ZFAND4: variants seen among roughly 807,000 people sequenced by gnomAD.
The protein encoded by ZFAND4 is zinc finger AN1-type containing 4.
A neutral mutation model predicts 64.4 loss-of-function variants in ZFAND4; 43 were observed. The ratio of observed to expected loss-of-function variants is 0.67; its 90% CI spans 0.52 to 0.86. The LOEUF (loss-of-function observed/expected upper bound fraction) is 0.86. ZFAND4 is among the 40% of genes least tolerant of loss of function. ZFAND4 has a pLI of 0.00. For missense variants in ZFAND4, 929 were observed against 859.8 expected (o/e 1.08, Z -1.01); for synonymous variants, 296 against 305.7 (o/e 0.97, Z 0.33).
chr10:45,642,126 C>T (rs1297316592), intron 5 of ZFAND4, among the ~76,000 whole-genome samples: 1 of 152,200 alleles, frequency 6.6e-6, no homozygotes, highest in South Asian at 2.1e-4. Flanking sequence ...CTCAAGTATA[C>T]ACTATTCTCA....
chr10:45,662,159 A>G (rs1319070513), intron 2 of ZFAND4, among the ~76,000 whole-genome samples: 1 of 152,144 alleles, frequency 6.6e-6, no homozygotes, highest in East Asian at 1.9e-4. Context: ...TTTACATATT[A>G]CCTTATTTAA....
chr10:45,633,444 C>T (rs1209335484), intron 6 of ZFAND4, among the ~76,000 whole-genome samples: 2 of 152,040 alleles, frequency 1.3e-5, no homozygotes, highest in Non-Finnish European at 2.9e-5. Flanking sequence ...TGGTGCTGCA[C>T]ACATAGTCCC....
At position 45,626,603 on chromosome 10, in the gene ZFAND4, C is replaced by T. The variant is rs80042909; in HGVS notation, c.1220G>A (p.Gly407Glu). 1.2e-3 allele frequency: 1,903 copies of T among 1,614,188 alleles called. 35 individuals carry two copies. In the East Asian group the frequency reaches 0.035, roughly 30 times the overall value. The change falls in exon 7 of 10, where the codon GGA (glycine) becomes GAA (glutamate). Residue 407 changes from glycine to glutamate, a missense_variant. Gly to Glu is a moderately conservative substitution (Grantham distance 98). Transcript: ENST00000344646. ...GCCGCTGCTCTGTTCATCAGCATTT[C>T]CTTCTGCAAATGAAGCCAGTGAGCC... ...KVGSLASFAE[G>E]NADEQSSGLE...
At chr10:45,664,465 C>T (rs2048678624) in intron 1 of ZFAND4, among the ~76,000 whole-genome samples, 1 of 151,762 alleles carries the variant, frequency 6.6e-6, no homozygotes, top group Non-Finnish European at 1.5e-5. Flanking sequence ...GACGGGGTTT[C>T]ACCACGTTGG....
chr10:45,617,832 GGGTTCTTCCAA>G (rs2045114579), intron 9 of ZFAND4: 1 of 158,336 alleles, frequency 6.3e-6, no homozygotes, highest in African/African-American at 2.4e-5. Context: ...ATTCAGGGAG[GGGTTCTTCCAA>G]GGTGCCACTC....
chr10:45,664,892 C>T (rs940151868), intron 1 of ZFAND4, among the ~76,000 whole-genome samples: 5 of 152,036 alleles, frequency 3.3e-5, no homozygotes, highest in Non-Finnish European at 5.9e-5. Flanking sequence ...GATTGCGCCA[C>T]AACACCCCAG....
At chr10:45,642,685 T>A (rs2047093527) in intron 5 of ZFAND4, among the ~76,000 whole-genome samples, 1 of 147,996 alleles carries the variant, frequency 6.8e-6, no homozygotes, top group African/African-American at 2.5e-5. Flanking sequence ...TAAATTCACC[T>A]TTTTTTTTCA....
At chr10:45,650,164 T>C (rs2047667473) in intron 4 of ZFAND4, 1 of 152,082 alleles carries the variant, frequency 6.6e-6, no homozygotes, top group Non-Finnish European at 1.5e-5. Context: ...TGGACTGTAG[T>C]GGCGCAGTCT....
intron 5 of ZFAND4, among the ~76,000 whole-genome samples, chr10:45,646,437 C>T (rs953501588): frequency 2.0e-5 from 3 of 152,074 alleles, no homozygotes; most frequent in Admixed American, 1.3e-4. Context: ...CTCATTCATC[C>T]ATCCCTTTCC....
chr10:45,649,028 G>A, intron 4 of ZFAND4: 1 of 808,990 alleles, frequency 1.2e-6, no homozygotes, highest in Non-Finnish European at 1.5e-6. Context: ...CAGCACTTTG[G>A]GAGGCCGAGG....
At chr10:45,637,779 A>C (rs1167539579) in intron 6 of ZFAND4, among the ~76,000 whole-genome samples, 2 of 151,856 alleles carry the variant, frequency 1.3e-5, no homozygotes, top group Non-Finnish European at 2.9e-5. Flanking sequence ...ACAAAACAAA[A>C]CAAAACTGAT....
At chr10:45,656,860 A>G (rs1191203778) in intron 2 of ZFAND4, among the ~76,000 whole-genome samples, 1 of 152,156 alleles carries the variant, frequency 6.6e-6, no homozygotes, top group African/African-American at 2.4e-5. Flanking sequence ...GGATGTAGAA[A>G]GAAAATAGCT....
chr10:45,641,222 T>C (rs559630051), intron 5 of ZFAND4, among the ~76,000 whole-genome samples: 3 of 152,202 alleles, frequency 2.0e-5, no homozygotes, highest in African/African-American at 7.2e-5. Flanking sequence ...ATGGGAAAAT[T>C]AGAATGGCAA....
At chr10:45,627,141 C>A in intron 6 of ZFAND4, 36 bp from the exon 7 acceptor site, 2 of 1,487,040 alleles carry the variant, frequency 1.3e-6, no homozygotes, top group South Asian at 2.9e-5. Context: ...TTTACACAGT[C>A]GTTTTCTCTG....
chr10:45,637,040 G>A (rs1025763322), intron 6 of ZFAND4, among the ~76,000 whole-genome samples: 15 of 150,680 alleles, frequency 1.0e-4, no homozygotes, highest in African/African-American at 4.9e-5. Context: ...CCCACTTTAC[G>A]TTATATCAGA....
At chr10:45,670,110 A>G (rs1274733232) in intron 1 of ZFAND4, among the ~76,000 whole-genome samples, 2 of 152,198 alleles carry the variant, frequency 1.3e-5, no homozygotes, top group African/African-American at 4.8e-5. Flanking sequence ...TGCAGATGAC[A>G]TGATTATACA....
At chr10:45,634,287 G>A (rs1351518076) in intron 6 of ZFAND4, among the ~76,000 whole-genome samples, 4 of 152,040 alleles carry the variant, frequency 2.6e-5, no homozygotes, top group Non-Finnish European at 5.9e-5. Context: ...CACCTTGGGA[G>A]GCCGAGGCAG....
chr10:45,645,269 A>T (rs2047301067), intron 5 of ZFAND4, among the ~76,000 whole-genome samples: 1 of 152,100 alleles, frequency 6.6e-6, no homozygotes, highest in African/African-American at 2.4e-5. Context: ...TGCCCTTTAA[A>T]CATGTAAGGT....
intron 2 of ZFAND4, among the ~76,000 whole-genome samples, chr10:45,656,866 T>C (rs2048157490): frequency 1.3e-5 from 2 of 151,960 alleles, no homozygotes; most frequent in African/African-American, 2.4e-5. Context: ...AGAAAGAAAA[T>C]AGCTATCTGC....
Sources: gnomAD v4.1 joint callset for allele counts (sites outside exome capture counted in the v4.1 genomes callset) on GRCh38, gnomAD v4.1.1 for gene constraint, MANE v1.5 for transcripts, NCBI Gene and HGNC (gene_info 2026-07-23, HGNC 2026-07-21) for gene names.